TAFA2: variants seen among roughly 807,000 people sequenced by gnomAD.
The protein encoded by TAFA2 is TAFA chemokine like family member 2, also known as chemokine-like protein TAFA-2.
TAFA2 carries 7 observed loss-of-function variants against 18.8 expected under a neutral mutation model. That is an observed-to-expected ratio of 0.37 (90% confidence interval 0.21 to 0.70). The LOEUF (loss-of-function observed/expected upper bound fraction) is 0.70, where lower values mean the gene tolerates loss of function less well. TAFA2 is among the 30% of genes least tolerant of loss of function. TAFA2 has a pLI of 0.53. For synonymous variants in TAFA2, 60 were observed against 54.2 expected (o/e 1.11, Z -0.47); for missense variants, 122 against 158.1 (o/e 0.77, Z 1.23).
At chr12:62,105,894 G>A (rs1321288107) in intron 1 of TAFA2, among the ~76,000 whole-genome samples, 1 of 152,172 alleles carries the variant, frequency 6.6e-6, no homozygotes, top group Non-Finnish European at 1.5e-5. Flanking sequence ...ATCATCCAGC[G>A]TCTGCTGCCA....
chr12:61,977,706 A>G (rs778349182), intron 1 of TAFA2, among the ~76,000 whole-genome samples: 3 of 152,092 alleles, frequency 2.0e-5, no homozygotes, highest in Non-Finnish European at 2.9e-5. Context: ...ATTTAATTCT[A>G]CAGGTCTTTG....
chr12:62,035,961 C>T (rs1881598642), intron 1 of TAFA2, among the ~76,000 whole-genome samples: 1 of 151,530 alleles, frequency 6.6e-6, no homozygotes, highest in African/African-American at 2.4e-5. Context: ...AGGATGGTCT[C>T]GATCTCCTGA....
Position 61,839,349 on chromosome 12 carries a change from C to T in TAFA2, c.106+27971G>A, listed in dbSNP as rs555521870. Among the ~76,000 whole-genome samples, 5 of 152,136 alleles carry T rather than the reference C, an allele frequency of 3.3e-5. No homozygotes were observed. In the South Asian group the frequency reaches 1.0e-3, roughly 32 times the overall value. ...GAAGAAAGCAATTTGGAGAGTTCTC[C>T]AAGAACTAAAAATAGAACTACCATT... On this transcript the variant is annotated intron_variant, in intron 2 of 4. Transcript: ENST00000416284.
At chr12:62,022,237 A>C (rs1881166848) in intron 1 of TAFA2, 1 of 259,484 alleles carries the variant, frequency 3.9e-6, no homozygotes. Context: ...AGAGCCTTAC[A>C]TGTCCTGCTA....
chr12:62,218,088 T>C (rs539870018), intron 1 of TAFA2, among the ~76,000 whole-genome samples: 1 of 151,940 alleles, frequency 6.6e-6, no homozygotes, highest in African/African-American at 2.4e-5. Context: ...CTCAGCCTCC[T>C]GGGCTCAATA....
At chr12:62,173,965 C>A (rs987490840) in intron 1 of TAFA2, among the ~76,000 whole-genome samples, 1 of 152,100 alleles carries the variant, frequency 6.6e-6, no homozygotes, top group Non-Finnish European at 1.5e-5. Context: ...AACACATATG[C>A]AGTAGTTAAG....
intron 1 of TAFA2, among the ~76,000 whole-genome samples, chr12:62,087,190 G>A (rs1868490456): frequency 1.3e-5 from 2 of 151,892 alleles, no homozygotes; most frequent in Non-Finnish European, 2.9e-5. Context: ...TATGGGACTG[G>A]GAAGCTGAAA....
intron 1 of TAFA2, among the ~76,000 whole-genome samples, chr12:61,995,045 T>C (rs1237798525): frequency 2.0e-5 from 3 of 152,208 alleles, no homozygotes; most frequent in Non-Finnish European, 1.5e-5. Context: ...AGTGTTCCTA[T>C]TAACATAAAT....
At chr12:62,150,498 A>G (rs2062320616) in intron 1 of TAFA2, among the ~76,000 whole-genome samples, 1 of 152,166 alleles carries the variant, frequency 6.6e-6, no homozygotes, top group African/African-American at 2.4e-5. Context: ...CCTACACACA[A>G]TCATCTGATT....
intron 2 of TAFA2, among the ~76,000 whole-genome samples, chr12:61,818,062 C>G (rs1410069759): frequency 6.6e-6 from 1 of 152,132 alleles, no homozygotes; most frequent in Non-Finnish European, 1.5e-5. Context: ...GAGCAGGATG[C>G]CTGCCATCCT....
At chr12:61,868,978 T>C (rs1874475215) in intron 1 of TAFA2, among the ~76,000 whole-genome samples, 1 of 152,146 alleles carries the variant, frequency 6.6e-6, no homozygotes, top group African/African-American at 2.4e-5. Context: ...ATAATGTATG[T>C]GAAATTCCTG....
At chr12:62,044,931 C>T (rs1881870423) in intron 1 of TAFA2, among the ~76,000 whole-genome samples, 1 of 152,140 alleles carries the variant, frequency 6.6e-6, no homozygotes, top group African/African-American at 2.4e-5. Context: ...GGCAGAGAAG[C>T]ACCTCCATCT....
intron 2 of TAFA2, among the ~76,000 whole-genome samples, chr12:61,863,696 G>T (rs536391833): frequency 3.3e-5 from 5 of 152,310 alleles, no homozygotes; most frequent in African/African-American, 1.2e-4. Flanking sequence ...GAACGTAGCT[G>T]CTGATACACT....
intron 2 of TAFA2, among the ~76,000 whole-genome samples, chr12:61,826,384 A>G (rs1453360479): frequency 6.6e-6 from 1 of 151,042 alleles, no homozygotes; most frequent in African/African-American, 2.5e-5. Context: ...TTGAAATTCT[A>G]TATGTGAGAA....
At chr12:61,752,359 A>G (rs1291617434) in intron 4 of TAFA2, among the ~76,000 whole-genome samples, 1 of 152,090 alleles carries the variant, frequency 6.6e-6, no homozygotes, top group Non-Finnish European at 1.5e-5. Flanking sequence ...CAAAACGTTA[A>G]TGAATTTCCT....
At chr12:62,151,100 A>G (rs2062325232) in intron 1 of TAFA2, among the ~76,000 whole-genome samples, 1 of 152,214 alleles carries the variant, frequency 6.6e-6, no homozygotes, top group African/African-American at 2.4e-5. Context: ...CACATAAGTT[A>G]TTAACATTAT....
At chr12:61,916,677 T>A (rs930601416) in intron 1 of TAFA2, among the ~76,000 whole-genome samples, 1 of 152,204 alleles carries the variant, frequency 6.6e-6, no homozygotes, top group Non-Finnish European at 1.5e-5. Context: ...CCTTTGGCTT[T>A]TGCTTTCATC....
intron 1 of TAFA2, among the ~76,000 whole-genome samples, chr12:61,911,656 A>G (rs1876618726): frequency 6.6e-6 from 1 of 152,140 alleles, no homozygotes; most frequent in Non-Finnish European, 1.5e-5. Context: ...GGGCAGAGCA[A>G]AAACAAAACC....
intron 4 of TAFA2, among the ~76,000 whole-genome samples, chr12:61,726,026 T>C: frequency 6.6e-6 from 1 of 151,706 alleles, no homozygotes; most frequent in East Asian, 1.9e-4. Context: ...TTTTCTTTTT[T>C]TTTTTTTAGA....
Sources: gnomAD v4.1 joint callset for allele counts (sites outside exome capture counted in the v4.1 genomes callset) on GRCh38, gnomAD v4.1.1 for gene constraint, MANE v1.5 for transcripts, NCBI Gene and HGNC (gene_info 2026-07-23, HGNC 2026-07-21) for gene names.